Variants in GALNTL6 observed in about 807,000 individuals in gnomAD.
The protein encoded by GALNTL6 is polypeptide N-acetylgalactosaminyltransferase-like 6.
In GALNTL6, 46 loss-of-function variants were observed where a neutral mutation model predicts 73.7. That is an observed-to-expected ratio of 0.62 (90% CI 0.49 to 0.80). GALNTL6 has a LOEUF of 0.80. Among genes scored for constraint, GALNTL6 ranks in the 30% least tolerant of loss-of-function variants. The pLI, the probability that GALNTL6 is intolerant of heterozygous loss-of-function variation, is 0.00. For missense variants in GALNTL6, 604 were observed against 755.0 expected (o/e 0.80, Z 2.34); for synonymous variants, 259 against 263.7 (o/e 0.98, Z 0.17).
chr4:172,546,656 A>C (rs1735763942), intron 5 of GALNTL6, among the ~76,000 whole-genome samples: 1 of 150,804 alleles, frequency 6.6e-6, no homozygotes, highest in Non-Finnish European at 1.5e-5. Context: ...TTTCCTTTAC[A>C]CATGCCACTT....
Position 172,424,237 on chromosome 4 carries a change from T to G in GALNTL6, c.553+75548T>G, listed in dbSNP as rs145323251. 3.1e-3 allele frequency among the ~76,000 whole-genome samples: 473 copies of G among 152,250 alleles called. 2 individuals are homozygous for G. Among genetic ancestry groups the G allele is most frequent in the African/African-American group, 0.011 (439 of 41,562 alleles). ...ATTTTGTTATTTTTTAAATTTTATT[T>G]ATTTTTCCCCTTTTCTGTGGTGCTG... On this transcript the variant is annotated intron_variant, in intron 5 of 12. Transcript: ENST00000506823.
chr4:172,658,787 T>C (rs2111173127), intron 5 of GALNTL6, among the ~76,000 whole-genome samples: 1 of 152,348 alleles, frequency 6.6e-6, no homozygotes, highest in Non-Finnish European at 1.5e-5. Flanking sequence ...ACAGACACAC[T>C]GATGGTGACA....
chr4:172,628,484 C>A (rs151216637), intron 5 of GALNTL6, among the ~76,000 whole-genome samples: 402 of 152,186 alleles, frequency 2.6e-3, no homozygotes, highest in Middle Eastern at 0.017. Flanking sequence ...ATAATCCCAG[C>A]ACTTTGGGAG....
intron 5 of GALNTL6, among the ~76,000 whole-genome samples, chr4:172,611,451 A>G (rs1298623294): frequency 2.0e-5 from 3 of 152,104 alleles, no homozygotes; most frequent in African/African-American, 7.2e-5. Context: ...GCTGGATATG[A>G]AATTCTTGGT....
chr4:172,955,631 C>T (rs1749701899), intron 10 of GALNTL6, among the ~76,000 whole-genome samples: 1 of 152,060 alleles, frequency 6.6e-6, no homozygotes, highest in African/African-American at 2.4e-5. Flanking sequence ...AATTTACATT[C>T]TTCTAATGTT....
chr4:172,953,148 C>G (rs537487059), intron 10 of GALNTL6, among the ~76,000 whole-genome samples: 3 of 152,284 alleles, frequency 2.0e-5, no homozygotes, highest in African/African-American at 7.2e-5. Flanking sequence ...CACTTCTATT[C>G]AGTGGAAATA....
At chr4:172,220,234 TA>T (rs1736629656) in intron 2 of GALNTL6, among the ~76,000 whole-genome samples, 1 of 151,784 alleles carries the variant, frequency 6.6e-6, no homozygotes, top group South Asian at 2.1e-4. Flanking sequence ...TAGTCACTGA[TA>T]AATCCCAAGT....
At chr4:172,090,581 G>A (rs1437048348) in intron 2 of GALNTL6, among the ~76,000 whole-genome samples, 1 of 151,848 alleles carries the variant, frequency 6.6e-6, no homozygotes, top group Non-Finnish European at 1.5e-5. Flanking sequence ...AAGTTCTTAA[G>A]GTTCTGGATA....
intron 5 of GALNTL6, among the ~76,000 whole-genome samples, chr4:172,699,404 A>G (rs1437629793): frequency 1.3e-5 from 2 of 152,210 alleles, no homozygotes; most frequent in Non-Finnish European, 2.9e-5. Flanking sequence ...ACAATATATC[A>G]CAAACACATG....
At chr4:172,519,810 T>G (rs1401615000) in intron 5 of GALNTL6, among the ~76,000 whole-genome samples, 2 of 151,742 alleles carry the variant, frequency 1.3e-5, no homozygotes, top group East Asian at 3.9e-4. Context: ...GTTCAGTTCT[T>G]GATGACCTGT....
chr4:172,808,885 CT>C (rs933710460), intron 5 of GALNTL6, among the ~76,000 whole-genome samples: 4 of 152,152 alleles, frequency 2.6e-5, no homozygotes, highest in Admixed American at 2.0e-4. Flanking sequence ...GGGAAAAAAT[CT>C]GTTTGGTTCT....
intron 2 of GALNTL6, among the ~76,000 whole-genome samples, chr4:172,104,317 G>A (rs752741164): frequency 6.6e-6 from 1 of 152,120 alleles, no homozygotes; most frequent in Non-Finnish European, 1.5e-5. Context: ...TTAATCCAGA[G>A]TTTAATGTCA....
intron 11 of GALNTL6, among the ~76,000 whole-genome samples, chr4:173,017,231 G>C (rs1407976446): frequency 6.6e-6 from 1 of 152,084 alleles, no homozygotes; most frequent in Non-Finnish European, 1.5e-5. Flanking sequence ...TGTTTTAAAG[G>C]ATCATTCAAA....
intron 10 of GALNTL6, among the ~76,000 whole-genome samples, chr4:173,006,157 C>T (rs1281590532): frequency 6.6e-6 from 1 of 152,142 alleles, no homozygotes; most frequent in Non-Finnish European, 1.5e-5. Context: ...GTAAGCTTCT[C>T]CCCTGGGACC....
intron 5 of GALNTL6, among the ~76,000 whole-genome samples, chr4:172,707,952 AG>A (rs1427771912): frequency 1.3e-5 from 2 of 152,156 alleles, no homozygotes; most frequent in African/African-American, 4.8e-5. Flanking sequence ...GCCAAAGCCA[AG>A]GTCTAGTTGA....
At chr4:172,450,491 A>C (rs937247766) in intron 5 of GALNTL6, among the ~76,000 whole-genome samples, 1 of 152,006 alleles carries the variant, frequency 6.6e-6, no homozygotes, top group Non-Finnish European at 1.5e-5. Context: ...CCTTTCCTCT[A>C]TTTTTGTCCC....
chr4:172,723,573 C>G (rs6823233), intron 5 of GALNTL6, among the ~76,000 whole-genome samples: 47,520 of 151,306 alleles, frequency 0.31, 8,073 homozygotes, highest in Middle Eastern at 0.46. Context: ...CTTTTTTTTT[C>G]TGATTACTTA....
chr4:172,058,046 T>G (rs1480548419), intron 2 of GALNTL6, among the ~76,000 whole-genome samples: 1 of 151,962 alleles, frequency 6.6e-6, no homozygotes, highest in East Asian at 1.9e-4. Flanking sequence ...ATTTTGGAGT[T>G]TTTTGTTTGT....
intron 5 of GALNTL6, among the ~76,000 whole-genome samples, chr4:172,789,388 C>A (rs1739865227): frequency 6.6e-6 from 1 of 152,206 alleles, no homozygotes; most frequent in Non-Finnish European, 1.5e-5. Context: ...AATTCACAAA[C>A]TTTCTTAAAA....
Sources: allele counts gnomAD v4.1 joint callset (sites outside exome capture counted in the v4.1 genomes callset), GRCh38; gene constraint gnomAD v4.1.1; transcripts MANE v1.5; gene names NCBI Gene and HGNC (gene_info 2026-07-23, HGNC 2026-07-21).